EYS: variants seen among roughly 807,000 people sequenced by gnomAD.
EYS encodes the protein EGF-like photoreceptor maintenance factor.
Under a neutral mutation model 282.1 loss-of-function variants are expected in EYS, and 250 were observed. That is an observed-to-expected ratio of 0.89 (90% CI 0.80 to 0.98). The LOEUF is 0.98. EYS is among the 50% of genes least tolerant of loss of function. The pLI, the probability that EYS is intolerant of heterozygous loss-of-function variation, is 0.00. For synonymous variants in EYS, 1,355 were observed against 1,282.9 expected (o/e 1.06, Z -1.20); for missense variants, 4,016 against 3,709.0 (o/e 1.08, Z -2.15).
intron 8 of EYS, among the ~76,000 whole-genome samples, chr6:65,381,165 A>G (rs1765595622): frequency 6.6e-6 from 1 of 152,262 alleles, no homozygotes; most frequent in Admixed American, 6.5e-5. Flanking sequence ...AAGCATGCAC[A>G]CGTATGTTTA....
At chr6:64,927,838 T>A (rs1045915956) in intron 15 of EYS, among the ~76,000 whole-genome samples, 2 of 152,092 alleles carry the variant, frequency 1.3e-5, no homozygotes, top group Non-Finnish European at 2.9e-5. Context: ...AATAGATAAT[T>A]TAATTTACAT....
chr6:65,402,730 C>A, intron 6 of EYS, 125 bp from the exon 7 acceptor site: 1 of 621,100 alleles, frequency 1.6e-6, no homozygotes, highest in Admixed American at 2.8e-5. Flanking sequence ...TATCTGTCAG[C>A]AATGTGGCAG....
intron 13 of EYS, among the ~76,000 whole-genome samples, chr6:65,020,122 G>A (rs1489007537): frequency 1.3e-5 from 2 of 151,942 alleles, no homozygotes; most frequent in Admixed American, 6.6e-5. Context: ...ATTCTACCCT[G>A]GCCCCTCCCA....
At chr6:63,835,243 G>C (rs954936058) in intron 36 of EYS, among the ~76,000 whole-genome samples, 1 of 147,818 alleles carries the variant, frequency 6.8e-6, no homozygotes, top group East Asian at 2.0e-4. Context: ...AGAAACTGTG[G>C]TATGTGTCTG....
rs1554177711 is a variant in EYS, at chr6:65,278,394, T to TTTTA, written c.2023+17468_2023+17469insTAAA. Among the ~76,000 whole-genome samples, 18 of 143,800 alleles carry TTTTA rather than the reference T, an allele frequency of 1.3e-4. 1 individual carries two copies. The highest frequency in any genetic ancestry group is 3.6e-3 in the Middle Eastern group (1 of 276). The allele number at this position is 143,800 out of a possible 152,430, so 94.3% of individuals were successfully genotyped here. ...TATATATATTTTATAGAAATGTATT[T>TTTTA]TATATATATATATCTCCTATTGGTT... On this transcript the variant is annotated intron_variant, in intron 12 of 42. Coordinates refer to ENST00000503581, the MANE Select transcript of EYS (RefSeq NM_001142800.2).
intron 33 of EYS, among the ~76,000 whole-genome samples, chr6:64,025,122 T>A (rs940027877): frequency 6.6e-6 from 1 of 152,096 alleles, no homozygotes; most frequent in Non-Finnish European, 1.5e-5. Flanking sequence ...GGGGGCTAAA[T>A]AACCGGGCAC....
chr6:65,322,496 G>A (rs1185858588), intron 11 of EYS, among the ~76,000 whole-genome samples: 1 of 152,034 alleles, frequency 6.6e-6, no homozygotes, highest in African/African-American at 2.4e-5. Flanking sequence ...GACCAGCAGG[G>A]TGTAAGAAGT....
intron 14 of EYS, among the ~76,000 whole-genome samples, chr6:64,970,445 A>G (rs1436423643): frequency 1.3e-5 from 2 of 152,042 alleles, no homozygotes; most frequent in Non-Finnish European, 1.5e-5. Flanking sequence ...TACTCTGCTC[A>G]CCTTGGCCTC....
Position 64,775,878 on chromosome 6 carries a change from C to G in EYS, c.3443+37500G>C, listed in dbSNP as rs993008262. 2.6e-5 allele frequency among the ~76,000 whole-genome samples: 4 copies of G among 151,962 alleles called. No homozygotes were observed. The South Asian group carries it at 8.3e-4, about 31-fold the overall frequency. ...GAATCAAAAATTTAAAATATAGCTG[C>G]TAGCTGTTTTGTGTTTTGTTTCTAT... On this transcript the variant is annotated intron_variant, in intron 22 of 42. Transcript: ENST00000503581.
At chr6:63,887,253 A>T (rs145128290) in intron 35 of EYS, among the ~76,000 whole-genome samples, 140 of 151,988 alleles carry the variant, frequency 9.2e-4, no homozygotes, top group African/African-American at 3.3e-3. Flanking sequence ...ATATATCCAG[A>T]CCATTAAGTG....
At chr6:65,653,708 G>A (rs543590290) in intron 1 of EYS, among the ~76,000 whole-genome samples, 1 of 151,972 alleles carries the variant, frequency 6.6e-6, no homozygotes, top group East Asian at 1.9e-4. Context: ...GTATCTCAAG[G>A]ACAGGCAAAT....
At position 64,250,041 on chromosome 6, in the gene EYS, T is replaced by C. The variant is rs553823976; in HGVS notation, c.6192-19217A>G. Among the ~76,000 whole-genome samples the C allele has an allele frequency of 2.0e-5, 3 of 152,296 alleles. No individual in the cohort carries two copies. The East Asian group carries it at 5.8e-4, about 29-fold the overall frequency. On this transcript the variant is annotated intron_variant, in intron 30 of 42. Coordinates refer to ENST00000503581, the MANE Select transcript of EYS (RefSeq NM_001142800.2). ...CTCAGGTTTTGAATTTAAGTAACTG[T>C]GTGAACAATACAATTTACTGAAATG... is the stretch of plus-strand genomic sequence containing the variant.
intron 22 of EYS, among the ~76,000 whole-genome samples, chr6:64,649,095 G>A (rs1221008410): frequency 6.6e-6 from 1 of 152,062 alleles, no homozygotes; most frequent in African/African-American, 2.4e-5. Flanking sequence ...AAGAATTGAT[G>A]AGTCCAGATG....
chr6:63,940,260 C>A (rs919954254), intron 35 of EYS, among the ~76,000 whole-genome samples: 1 of 151,952 alleles, frequency 6.6e-6, no homozygotes, highest in African/African-American at 2.4e-5. Flanking sequence ...AGATTGAAAT[C>A]TGTAGTTGTG....
intron 26 of EYS, among the ~76,000 whole-genome samples, chr6:64,473,602 C>T (rs902410657): frequency 4.6e-5 from 7 of 152,100 alleles, no homozygotes; most frequent in South Asian, 2.1e-4. Flanking sequence ...TCAACAAAAA[C>T]GGTAAATAAA....
At chr6:64,674,402 CTTTAT>C (rs72109311) in intron 22 of EYS, among the ~76,000 whole-genome samples, 33,747 of 151,482 alleles carry the variant, frequency 0.22, 3,913 homozygotes, top group East Asian at 0.34. Context: ...GATTTAAGAA[CTTTAT>C]TTTATAAGTC....
chr6:64,052,954 C>T (rs1292587054), intron 33 of EYS, among the ~76,000 whole-genome samples: 1 of 152,132 alleles, frequency 6.6e-6, no homozygotes, highest in East Asian at 1.9e-4. Flanking sequence ...GGTATTTCTT[C>T]ACAGCAGCGT....
chr6:65,416,268 C>T (rs1767228720), intron 5 of EYS, among the ~76,000 whole-genome samples: 1 of 151,780 alleles, frequency 6.6e-6, no homozygotes, highest in Non-Finnish European at 1.5e-5. Context: ...TGTGGGTTTG[C>T]TATAAGAGTA....
chr6:64,528,529 G>T (rs1424187569), intron 26 of EYS, among the ~76,000 whole-genome samples: 1 of 151,918 alleles, frequency 6.6e-6, no homozygotes, highest in Non-Finnish European at 1.5e-5. Context: ...CTCCTGGAAT[G>T]TGTTTTGCTT....
Sources: gnomAD v4.1 joint callset for allele counts (sites outside exome capture counted in the v4.1 genomes callset) on GRCh38, gnomAD v4.1.1 for gene constraint, MANE v1.5 for transcripts, NCBI Gene and HGNC (gene_info 2026-07-23, HGNC 2026-07-21) for gene names.